The following WRN variants were observed in gnomAD, a reference collection of about 807,000 sequenced individuals.
WRN encodes the protein bifunctional 3'-5' exonuclease/ATP-dependent helicase WRN.
A neutral mutation model predicts 180.7 loss-of-function variants in WRN; 149 were observed. That is an observed-to-expected ratio of 0.82 (90% CI 0.72 to 0.94). The LOEUF (loss-of-function observed/expected upper bound fraction) is 0.94, where lower values mean the gene tolerates loss of function less well. WRN is among the 40% of genes least tolerant of loss of function. The pLI, the probability that WRN is intolerant of heterozygous loss-of-function variation, is 0.00. For missense variants in WRN, 1,661 were observed against 1,700.1 expected, an observed-to-expected ratio of 0.98 and a Z score of 0.40; for synonymous variants, 548 against 568.9, an observed-to-expected ratio of 0.96 and a Z score of 0.52.
intron 34 of WRN, among the ~76,000 whole-genome samples, chr8:31,172,551 G>C (rs1350252234): frequency 1.3e-5 from 2 of 152,184 alleles, no homozygotes; most frequent in African/African-American, 4.8e-5. Context: ...GATTGGACCA[G>C]TCTGTCTACC....
At chr8:31,058,186 C>G (rs1585401266) in intron 1 of WRN, among the ~76,000 whole-genome samples, 186 bp from the exon 2 acceptor site, 1 of 152,072 alleles carries the variant, frequency 6.6e-6, no homozygotes, top group Non-Finnish European at 1.5e-5. Flanking sequence ...TTATACAAGT[C>G]AATTAAAATG....
chr8:31,113,616 A>G (rs1401309107), intron 19 of WRN, among the ~76,000 whole-genome samples: 1 of 152,120 alleles, frequency 6.6e-6, no homozygotes, highest in African/African-American at 2.4e-5. Flanking sequence ...TTCCCTTATA[A>G]TAACACTCTC....
chr8:31,159,676 A>ATGCCTAT (rs112024535), intron 33 of WRN, among the ~76,000 whole-genome samples: 52,298 of 151,506 alleles, frequency 0.35, 9,586 homozygotes, highest in East Asian at 0.61. Flanking sequence ...ACTGTGGCTC[A>ATGCCTAT]TGCCTATAAT....
At chr8:31,136,792 A>C (rs1802413798) in intron 24 of WRN, among the ~76,000 whole-genome samples, 1 of 152,152 alleles carries the variant, frequency 6.6e-6, no homozygotes, top group South Asian at 2.1e-4. Flanking sequence ...AGCCATGATT[A>C]CACCACTGCA....
chr8:31,165,707 G>A (rs1027748156), intron 33 of WRN, among the ~76,000 whole-genome samples: 4 of 152,028 alleles, frequency 2.6e-5, no homozygotes, highest in African/African-American at 7.2e-5. Flanking sequence ...GAACAACGTG[G>A]ACTAATGTGC....
At chr8:31,135,683 G>A (rs1290009504) in intron 24 of WRN, among the ~76,000 whole-genome samples, 4 of 152,112 alleles carry the variant, frequency 2.6e-5, no homozygotes, top group African/African-American at 7.2e-5. Flanking sequence ...CTGTGGATTT[G>A]GACATTCACT....
intron 1 of WRN, among the ~76,000 whole-genome samples, chr8:31,051,869 C>T (rs73579572): frequency 0.02 from 3,053 of 152,262 alleles, 87 homozygotes; most frequent in African/African-American, 0.068. Context: ...TCATGTTTGA[C>T]TTGCTGCTTG....
intron 8 of WRN, among the ~76,000 whole-genome samples, chr8:31,078,379 G>A (rs915858314): frequency 6.6e-6 from 1 of 152,122 alleles, no homozygotes; most frequent in Non-Finnish European, 1.5e-5. Context: ...TCAAAATAAT[G>A]CTATAAGCAT....
chr8:31,124,705 C>G, intron 22 of WRN, 82 bp downstream of exon 22: 1 of 1,383,978 alleles, frequency 7.2e-7, no homozygotes, highest in Non-Finnish European at 1.0e-6. Flanking sequence ...AAATAATTAT[C>G]AGTATTTTGA....
Position 31,173,463 on chromosome 8 carries a change from G to A in WRN, c.*361G>A, listed in dbSNP as rs1000503370. The A allele has an allele frequency of 4.5e-6, 1 of 224,400 alleles. No homozygotes were observed. The highest frequency in any genetic ancestry group is 7.2e-5 in the East Asian group (1 of 13,830). The allele number at this position is 224,400 out of a possible 1,614,324, so 13.9% of individuals were successfully genotyped here. A position where few individuals can be genotyped will look rare whatever the true frequency, so the allele number is the denominator to read the frequency against. On this transcript the variant is annotated 3_prime_UTR_variant, in exon 35 of 35. Transcript: ENST00000298139. ...AGATTAGTAGTTACATGGTAATTAT[G>A]TGATATAAAATATTCATATATTATC...
At chr8:31,146,923 A>G (rs1309805167) in intron 28 of WRN, 130 bp from the exon 29 acceptor site, 10 of 720,956 alleles carry the variant, frequency 1.4e-5, no homozygotes, top group Non-Finnish European at 9.1e-6. Flanking sequence ...ATAACAAATT[A>G]CCTTACTGGT....
intron 34 of WRN, among the ~76,000 whole-genome samples, chr8:31,168,517 TG>T (rs1307822710): frequency 1.4e-4 from 6 of 43,488 alleles, no homozygotes. Flanking sequence ...GTGGGTATTT[TG>T]GGGGGGGTTG....
Position 31,111,624 on chromosome 8 carries a change from G to C in WRN, c.2098G>C (p.Val700Leu). Reference protein sequence around the residue: ...LKTALPMVPIVALTATASSSI... With the variant: ...LKTALPMVPILALTATASSSI... ...GTTTTACATCATTCAGGTTCCAATC[G>C]TTGCACTTACTGCTACTGCAAGTTC... The change falls in exon 19 of 35, where the codon GTT (valine) becomes CTT (leucine). Residue 700 changes from valine to leucine, a missense_variant. Physicochemically the swap from Val to Leu is conservative, Grantham distance 32. This residue lies in a region of WRN where 1,141 missense variants were observed against 1,149.4 expected (regional missense o/e 0.99). Coordinates refer to ENST00000298139, the MANE Select transcript of WRN (RefSeq NM_000553.6). The C allele has an allele frequency of 6.2e-7, 1 of 1,613,930 alleles. No homozygotes were observed. Among genetic ancestry groups the C allele is most frequent in the Non-Finnish European group, 8.5e-7 (1 of 1,179,918 alleles).
chr8:31,146,977 C>T (rs1802878207), intron 28 of WRN, 76 bp from the exon 29 acceptor site: 3 of 1,239,816 alleles, frequency 2.4e-6, no homozygotes, highest in Non-Finnish European at 3.4e-6. Context: ...AAGACATTCT[C>T]ATTTAGGGGA....
intron 32 of WRN, 89 bp downstream of exon 32, chr8:31,154,844 G>T: frequency 6.7e-7 from 1 of 1,501,882 alleles, no homozygotes; most frequent in Non-Finnish European, 9.2e-7. Flanking sequence ...TTCTGACTTG[G>T]GATCAATTTC....
At chr8:31,119,939 A>G (rs1178784595) in intron 20 of WRN, 3 of 324,908 alleles carry the variant, frequency 9.2e-6, no homozygotes, top group East Asian at 1.5e-4. Flanking sequence ...TTATAATGCA[A>G]AAGTTTTCTT....
At chr8:31,127,725 C>CA (rs1385382464) in intron 23 of WRN, among the ~76,000 whole-genome samples, 1 of 151,258 alleles carries the variant, frequency 6.6e-6, no homozygotes, top group African/African-American at 2.4e-5. Flanking sequence ...CCAGTCTGGG[C>CA]AAAAAACCGA....
rs116845673 is a variant in WRN, at chr8:31,041,657, C to T, written c.-77+7684C>T. 4.8e-3 allele frequency among the ~76,000 whole-genome samples: 732 copies of T among 152,082 alleles called. 2 individuals are homozygous for T. Among genetic ancestry groups the T allele is most frequent in the Middle Eastern group, 0.014 (4 of 294 alleles). Reference sequence around the variant, plus strand: ...AAGCAAGATCATCAGCTAAGAGTGACGATCGGTGGAGGAGATATGAAGTTT... The same window carrying T: ...AAGCAAGATCATCAGCTAAGAGTGATGATCGGTGGAGGAGATATGAAGTTT... On this transcript the variant is annotated intron_variant, in intron 1 of 34. Transcript: ENST00000298139.
In WRN at chr8:31,174,180, A is replaced by C. The variant is rs1362884919; in HGVS notation, c.*1078A>C. On this transcript the variant is annotated 3_prime_UTR_variant, in exon 35 of 35. Transcript: ENST00000298139. ...GTATATTCCCATTTTTCTGCATTGC[A>C]TTACCAGAAGGTAGTGGCGCCTATT... is the stretch of plus-strand genomic sequence containing the variant. Among the ~76,000 whole-genome samples the C allele has an allele frequency of 6.6e-6, 1 of 152,152 alleles. No homozygotes were observed. Among genetic ancestry groups the C allele is most frequent in the East Asian group, 1.9e-4 (1 of 5,198 alleles).
Sources: gnomAD v4.1 joint callset for allele counts (sites outside exome capture counted in the v4.1 genomes callset) on GRCh38, gnomAD v4.1.1 for gene constraint, gnomAD v4.1.1 regional missense constraint, MANE v1.5 for transcripts, NCBI Gene and HGNC (gene_info 2026-07-23, HGNC 2026-07-21) for gene names.